The following MS4A12 variants were observed in gnomAD, a reference collection of about 807,000 sequenced individuals.
MS4A12 encodes the protein membrane spanning 4-domains A12, also known as membrane-spanning 4-domains subfamily A member 12.
Under a neutral mutation model 23.7 loss-of-function variants are expected in MS4A12, and 28 were observed. That is an observed-to-expected ratio of 1.18 (90% CI 0.88 to 1.62). The LOEUF is 1.62. Among genes scored for constraint, MS4A12 ranks in the 40% most tolerant of loss-of-function variants. MS4A12 has a pLI of 0.00. For synonymous variants in MS4A12, 108 were observed against 110.1 expected (o/e 0.98, Z 0.12); for missense variants, 342 against 327.0 (o/e 1.05, Z -0.35).
rs184659231 is a variant in MS4A12, at chr11:60,493,674, A to T, written c.-7+846A>T. Among the ~76,000 whole-genome samples, 13 of 152,344 alleles carry T rather than the reference A, an allele frequency of 8.5e-5. No individual in the cohort carries two copies. In the East Asian group the frequency reaches 2.5e-3, roughly 29 times the overall value. On this transcript the variant is annotated intron_variant, in intron 1 of 6. Coordinates refer to ENST00000016913, the MANE Select transcript of MS4A12 (RefSeq NM_017716.3). Reference sequence around the variant, plus strand: ...TTTGTGAAAGGTGATATAAGTGTATACCTGTGGATGTACTGGGTGATTTTG... The same window carrying T: ...TTTGTGAAAGGTGATATAAGTGTATTCCTGTGGATGTACTGGGTGATTTTG...
chr11:60,507,382 T>C lies in MS4A12; in HGVS notation c.*258T>C. 1 of 428,072 alleles carries C rather than the reference T, an allele frequency of 2.3e-6. No individual in the cohort carries two copies. Among genetic ancestry groups the C allele is most frequent in the Non-Finnish European group, 4.2e-6 (1 of 240,130 alleles). The allele number at this position is 428,072 out of a possible 1,614,324, so 26.5% of individuals were successfully genotyped here. A position where few individuals can be genotyped will look rare whatever the true frequency, so the allele number is the denominator to read the frequency against. On this transcript the variant is annotated 3_prime_UTR_variant, in exon 7 of 7. Transcript: ENST00000016913. ...TGCAACTCTCTTAAAGTTAGAAATG[T>C]TTCTGTTCATATTACTTTTTCCTTA...
chr11:60,496,250 G>A (rs1565203044), intron 1 of MS4A12, among the ~76,000 whole-genome samples: 2 of 152,192 alleles, frequency 1.3e-5, no homozygotes, highest in Admixed American at 1.3e-4. Flanking sequence ...TACCAAGAAT[G>A]AGACATTCAT....
At chr11:60,504,020 T>A (rs1222522115) in intron 5 of MS4A12, among the ~76,000 whole-genome samples, 1 of 152,230 alleles carries the variant, frequency 6.6e-6, no homozygotes, top group East Asian at 1.9e-4. Flanking sequence ...TTAAAGGACA[T>A]CCTTTATTGG....
chr11:60,506,198 AC>A (rs1293910169), intron 5 of MS4A12, among the ~76,000 whole-genome samples: 1 of 152,240 alleles, frequency 6.6e-6, no homozygotes, highest in East Asian at 1.9e-4. Context: ...TGAGCTTAAT[AC>A]TTTTATTTAA....
At chr11:60,495,987 A>C (rs2086485118) in intron 1 of MS4A12, among the ~76,000 whole-genome samples, 1 of 152,188 alleles carries the variant, frequency 6.6e-6, no homozygotes, top group African/African-American at 2.4e-5. Context: ...GGGGATTCTG[A>C]ACCAACAGCC....
chr11:60,495,912 A>T (rs908807225), intron 1 of MS4A12, among the ~76,000 whole-genome samples: 2 of 152,190 alleles, frequency 1.3e-5, no homozygotes, highest in Admixed American at 6.5e-5. Flanking sequence ...AGCAGAGTCA[A>T]TACCCTGTCA....
chr11:60,505,825 A>G (rs1453995656), intron 5 of MS4A12, among the ~76,000 whole-genome samples: 1 of 152,208 alleles, frequency 6.6e-6, no homozygotes, highest in African/African-American at 2.4e-5. Context: ...ACACCTTCCC[A>G]TACCCTGCAT....
intron 2 of MS4A12, among the ~76,000 whole-genome samples, chr11:60,498,277 T>C (rs550565326): frequency 6.6e-6 from 1 of 152,152 alleles, no homozygotes; most frequent in Admixed American, 6.5e-5. Context: ...TTATATTAAG[T>C]CTCTCCCTGT....
Position 60,507,166 on chromosome 11 carries a change from C to A in MS4A12, c.*42C>A. 1.3e-6 allele frequency: 2 copies of A among 1,504,522 alleles called. No individual in the cohort carries two copies. Among genetic ancestry groups the A allele is most frequent in the Non-Finnish European group, 1.8e-6 (2 of 1,084,426 alleles). The allele number at this position is 1,504,522 out of a possible 1,614,324, so 93.2% of individuals were successfully genotyped here. ...ATCAGTCTAATCTCATGGAGAAAAA[C>A]TACTTGCAAAAACTTCTTAAGAAGA... On this transcript the variant is annotated 3_prime_UTR_variant, in exon 7 of 7. Transcript: ENST00000016913.
intron 1 of MS4A12, among the ~76,000 whole-genome samples, chr11:60,494,650 A>T (rs1182356633): frequency 3.3e-5 from 5 of 152,222 alleles, no homozygotes; most frequent in Non-Finnish European, 1.5e-5. Context: ...AGCTCTTGCC[A>T]TGTGCTAGGC....
chr11:60,494,302 G>A (rs77666246), intron 1 of MS4A12, among the ~76,000 whole-genome samples: 11,112 of 152,182 alleles, frequency 0.073, 444 homozygotes, highest in South Asian at 0.17. Context: ...CAGCAGATAT[G>A]AAAGGAGAAA....
At chr11:60,502,576 T>C (rs1200332074) in intron 4 of MS4A12, among the ~76,000 whole-genome samples, 2 of 152,344 alleles carry the variant, frequency 1.3e-5, no homozygotes, top group East Asian at 3.9e-4. Flanking sequence ...AGACAGGACT[T>C]TGAGCTCTGT....
intron 4 of MS4A12, among the ~76,000 whole-genome samples, chr11:60,502,927 C>T (rs531494798): frequency 3.5e-4 from 53 of 152,162 alleles, no homozygotes; most frequent in South Asian, 6.2e-4. Context: ...ATAGATTCCA[C>T]CTCTTAGAGG....
intron 2 of MS4A12, among the ~76,000 whole-genome samples, chr11:60,498,682 T>C (rs1488869251): frequency 6.6e-6 from 1 of 152,164 alleles, no homozygotes; most frequent in African/African-American, 2.4e-5. Context: ...TGTCGAATGA[T>C]ATAGACAAAA....
At chr11:60,505,250 T>G (rs2086561418) in intron 5 of MS4A12, among the ~76,000 whole-genome samples, 1 of 152,074 alleles carries the variant, frequency 6.6e-6, no homozygotes. Context: ...GCAACTCCTG[T>G]TTTTTAAAAC....
intron 3 of MS4A12, 56 bp downstream of exon 3, chr11:60,501,238 G>T: frequency 6.7e-7 from 1 of 1,495,648 alleles, no homozygotes; most frequent in Non-Finnish European, 9.0e-7. Context: ...TTCCCTCTTG[G>T]TTTATAAAGT....
chr11:60,503,840 T>C (rs748529534), intron 5 of MS4A12, 23 bp downstream of exon 5: 7 of 1,589,360 alleles, frequency 4.4e-6, no homozygotes, highest in African/African-American at 1.3e-5. Flanking sequence ...TACTCCACCA[T>C]GTGCCTGCTC....
intron 5 of MS4A12, among the ~76,000 whole-genome samples, chr11:60,506,419 C>T (rs979404351): frequency 1.3e-5 from 2 of 151,988 alleles, no homozygotes; most frequent in African/African-American, 4.8e-5. Flanking sequence ...TATTGCTTGA[C>T]TTTTTTAATG....
At chr11:60,495,675 C>T (rs1042269883) in intron 1 of MS4A12, among the ~76,000 whole-genome samples, 1 of 152,104 alleles carries the variant, frequency 6.6e-6, no homozygotes, top group Non-Finnish European at 1.5e-5. Context: ...GCCAAAGACA[C>T]AAAGTTGGAG....
Sources: allele counts gnomAD v4.1 joint callset (sites outside exome capture counted in the v4.1 genomes callset), GRCh38; gene constraint gnomAD v4.1.1; transcripts MANE v1.5; gene names NCBI Gene and HGNC (gene_info 2026-07-23, HGNC 2026-07-21).